The following CRY1 variants were observed in gnomAD, a reference collection of about 807,000 sequenced individuals.
CRY1 encodes cryptochrome-1.
A neutral mutation model predicts 76.0 loss-of-function variants in CRY1; 45 were observed. The observed-to-expected ratio is 0.59, with a 90% CI of 0.47 to 0.76. The LOEUF (loss-of-function observed/expected upper bound fraction) is 0.76, where lower values mean the gene tolerates loss of function less well. Among genes scored for constraint, CRY1 ranks in the 30% least tolerant of loss-of-function variants. CRY1 has a pLI of 0.00. For missense variants in CRY1, 587 were observed against 716.4 expected (o/e 0.82, Z 2.06); for synonymous variants, 248 against 244.0 (o/e 1.02, Z -0.15).
rs141365479 is a variant in CRY1 at position 107,088,606 on chromosome 12, G to A, written c.158+4198C>T. Among the ~76,000 whole-genome samples the A allele has an allele frequency of 9.7e-3, 1,481 of 152,212 alleles. 12 individuals are homozygous for A. Among genetic ancestry groups the A allele is most frequent in the Middle Eastern group, 0.024 (7 of 294 alleles). On this transcript the variant is annotated intron_variant, in intron 1 of 12. Coordinates refer to ENST00000008527, the MANE Select transcript of CRY1 (RefSeq NM_004075.5). ...CTGAATCTGCTGGTGCCTTGATTCT[G>A]GACATCTTCCAAAACTGTGAGAAAT...
At chr12:107,072,594 C>T (rs765057547) in intron 1 of CRY1, among the ~76,000 whole-genome samples, 22 of 152,194 alleles carry the variant, frequency 1.4e-4, no homozygotes, top group Non-Finnish European at 2.9e-4. Context: ...ATAAGGCTAA[C>T]ATGATCTCAT....
intron 1 of CRY1, among the ~76,000 whole-genome samples, chr12:107,060,972 C>G (rs1953039483): frequency 6.6e-6 from 1 of 151,992 alleles, no homozygotes; most frequent in African/African-American, 2.4e-5. Flanking sequence ...GAGACTCTGT[C>G]TCAAAAAACA....
intron 1 of CRY1, among the ~76,000 whole-genome samples, chr12:107,030,014 G>A (rs1952658397): frequency 6.6e-6 from 1 of 152,154 alleles, no homozygotes; most frequent in African/African-American, 2.4e-5. Flanking sequence ...ACAATAGCTG[G>A]AGATAAGGAA....
At chr12:106,993,144 A>G (rs1952198630) in intron 10 of CRY1, 108 bp from the exon 11 acceptor site, 1 of 1,014,644 alleles carries the variant, frequency 9.9e-7, no homozygotes, top group Non-Finnish European at 1.5e-6. Flanking sequence ...GGTCATTTAT[A>G]TGCTTTTAAG....
intron 1 of CRY1, among the ~76,000 whole-genome samples, chr12:107,048,671 A>G (rs999786254): frequency 6.6e-6 from 1 of 152,146 alleles, no homozygotes; most frequent in Admixed American, 6.5e-5. Context: ...CAGTTTATCA[A>G]TTCTCTCCTC....
At chr12:107,026,150 ATAT>A (rs1952609827) in intron 1 of CRY1, among the ~76,000 whole-genome samples, 1 of 67,938 alleles carries the variant, frequency 1.5e-5, no homozygotes, top group African/African-American at 7.1e-5. Flanking sequence ...TATTACATAT[ATAT>A]ATAAAATATA....
At chr12:107,031,683 A>G (rs1952676628) in intron 1 of CRY1, among the ~76,000 whole-genome samples, 1 of 151,920 alleles carries the variant, frequency 6.6e-6, no homozygotes, top group African/African-American at 2.4e-5. Context: ...AACCCCCATA[A>G]CCCTAGTTTA....
chr12:107,081,440 T>C (rs78203048), intron 1 of CRY1, among the ~76,000 whole-genome samples: 2,215 of 152,162 alleles, frequency 0.015, 66 homozygotes, highest in African/African-American at 0.051. Context: ...TGTTTCCTCT[T>C]CCTTTAGGTC....
chr12:107,042,975 C>G (rs946470633), intron 1 of CRY1: 5 of 152,136 alleles, frequency 3.3e-5, no homozygotes, highest in Non-Finnish European at 5.9e-5. Flanking sequence ...CTGTGCTCAC[C>G]GTAGAGAAAA....
At chr12:107,005,024 A>C (rs1392399084) in intron 3 of CRY1, 82 bp downstream of exon 3, 3 of 1,351,182 alleles carry the variant, frequency 2.2e-6, no homozygotes, top group Non-Finnish European at 3.0e-6. Context: ...AATACCACCG[A>C]ACTATATACT....
At chr12:106,993,733 C>G (rs1488589923) in intron 10 of CRY1, among the ~76,000 whole-genome samples, 1 of 152,060 alleles carries the variant, frequency 6.6e-6, no homozygotes, top group Non-Finnish European at 1.5e-5. Flanking sequence ...CCCAGGCAAT[C>G]AGTGGCAGTT....
chr12:107,091,379 C>G (rs1465881474), intron 1 of CRY1, among the ~76,000 whole-genome samples: 1 of 152,106 alleles, frequency 6.6e-6, no homozygotes, highest in Non-Finnish European at 1.5e-5. Flanking sequence ...AACAAATACC[C>G]TGTATTTTGC....
chr12:107,042,110 G>A (rs1952805530), intron 1 of CRY1, among the ~76,000 whole-genome samples: 2 of 152,116 alleles, frequency 1.3e-5, no homozygotes, highest in African/African-American at 4.8e-5. Flanking sequence ...ATACTCATGA[G>A]TCTGTACTTT....
Position 107,089,327 on chromosome 12 carries a change from G to A in CRY1, c.158+3477C>T, listed in dbSNP as rs900488015. Among the ~76,000 whole-genome samples the A allele has an allele frequency of 2.0e-5, 3 of 151,046 alleles. No individual in the cohort carries two copies. In the Admixed American group the frequency reaches 2.0e-4, roughly 10 times the overall value. ...GACAATGTCCTTCAAATTTTTTGTTGTTGTTGTTTGTTTGTTTGTTTTTTA... is the reference window on the plus strand; with the variant it reads ...GACAATGTCCTTCAAATTTTTTGTTATTGTTGTTTGTTTGTTTGTTTTTTA... On this transcript the variant is annotated intron_variant, in intron 1 of 12. Coordinates refer to ENST00000008527, the MANE Select transcript of CRY1 (RefSeq NM_004075.5).
intron 2 of CRY1, 79 bp downstream of exon 2, chr12:107,022,005 T>A: frequency 2.8e-6 from 3 of 1,076,826 alleles, no homozygotes; most frequent in Non-Finnish European, 2.7e-6. Flanking sequence ...ACATTTTCAA[T>A]TAGTCAAAAA....
intron 1 of CRY1, among the ~76,000 whole-genome samples, chr12:107,087,472 G>C (rs1197013699): frequency 6.6e-6 from 1 of 152,246 alleles, no homozygotes; most frequent in Non-Finnish European, 1.5e-5. Context: ...CAAGAGTCAA[G>C]CGAGATTATT....
chr12:106,994,360 C>T (rs1952210781), intron 10 of CRY1, among the ~76,000 whole-genome samples: 1 of 152,112 alleles, frequency 6.6e-6, no homozygotes, highest in Non-Finnish European at 1.5e-5. Flanking sequence ...TTCTCTAGTC[C>T]CTTCAGCTCT....
intron 2 of CRY1, among the ~76,000 whole-genome samples, chr12:107,020,186 CAAA>C (rs5800723): frequency 5.2e-5 from 7 of 134,778 alleles, no homozygotes; most frequent in African/African-American, 8.0e-5. Flanking sequence ...TTCATACAAG[CAAA>C]AAAAAAAAAA....
At chr12:107,071,590 G>GT (rs1229142238) in intron 1 of CRY1, among the ~76,000 whole-genome samples, 1 of 152,054 alleles carries the variant, frequency 6.6e-6, no homozygotes, top group Non-Finnish European at 1.5e-5. Context: ...TAAGCCTGAT[G>GT]TTTTTTGTGG....
Sources: allele counts gnomAD v4.1 joint callset (sites outside exome capture counted in the v4.1 genomes callset), GRCh38; gene constraint gnomAD v4.1.1; transcripts MANE v1.5; gene names NCBI Gene and HGNC (gene_info 2026-07-23, HGNC 2026-07-21).